Variants in TTLL7 observed in about 807,000 individuals in gnomAD.
The protein encoded by TTLL7 is tubulin polyglutamylase TTLL7.
Under a neutral mutation model 120.2 loss-of-function variants are expected in TTLL7, and 53 were observed. The ratio of observed to expected loss-of-function variants is 0.44; its 90% confidence interval spans 0.35 to 0.55. The LOEUF (loss-of-function observed/expected upper bound fraction) is 0.55, where lower values mean the gene tolerates loss of function less well. TTLL7 is among the 20% of genes least tolerant of loss of function. The pLI is 0.00. For missense variants in TTLL7, 803 were observed against 1,054.7 expected (o/e 0.76, Z 3.31); for synonymous variants, 353 against 351.7 (o/e 1.00, Z -0.04).
chr1:83,870,187 C>G, intron 20 of TTLL7, 105 bp from the exon 21 acceptor site: 5 of 1,100,776 alleles, frequency 4.5e-6, no homozygotes, highest in Non-Finnish European at 3.7e-6. Context: ...AGAAATGTTA[C>G]TGTAACAAAA....
intron 14 of TTLL7, among the ~76,000 whole-genome samples, chr1:83,912,664 G>A (rs1657779960): frequency 6.6e-6 from 1 of 152,120 alleles, no homozygotes; most frequent in Admixed American, 6.6e-5. Context: ...GGAATACAGA[G>A]TGAGCCAAAA....
intron 1 of TTLL7, among the ~76,000 whole-genome samples, chr1:83,987,247 A>G (rs992535350): frequency 2.9e-5 from 4 of 136,034 alleles, no homozygotes; most frequent in South Asian, 2.2e-4. Context: ...GTTTACATGG[A>G]AAAAAAAAAG....
At chr1:83,930,992 G>A (rs897569178) in intron 9 of TTLL7, among the ~76,000 whole-genome samples, 2 of 150,480 alleles carry the variant, frequency 1.3e-5, no homozygotes, top group African/African-American at 2.4e-5. Flanking sequence ...TTTCATTCAG[G>A]GTTGTTCTTG....
At chr1:83,968,934 A>AAAAC (rs1344811071) in intron 1 of TTLL7, among the ~76,000 whole-genome samples, 1 of 152,066 alleles carries the variant, frequency 6.6e-6, no homozygotes, top group Non-Finnish European at 1.5e-5. Flanking sequence ...AACTATACAC[A>AAAAC]AAACTGTAAT....
chr1:83,935,671 T>C (rs998913738), intron 8 of TTLL7, among the ~76,000 whole-genome samples: 1 of 152,108 alleles, frequency 6.6e-6, no homozygotes, highest in African/African-American at 2.4e-5. Context: ...TTTTCATATA[T>C]TGATAGTTAC....
At chr1:83,913,266 T>C (rs1313090883) in intron 14 of TTLL7, among the ~76,000 whole-genome samples, 6 of 152,182 alleles carry the variant, frequency 3.9e-5, no homozygotes, top group African/African-American at 1.4e-4. Context: ...AAGTAGGCTA[T>C]ATATAAAAAA....
At chr1:83,977,520 C>A (rs1312409754) in intron 1 of TTLL7, among the ~76,000 whole-genome samples, 1 of 151,990 alleles carries the variant, frequency 6.6e-6, no homozygotes, top group Non-Finnish European at 1.5e-5. Context: ...CTTTATGCAG[C>A]CTGACTTAAC....
intron 1 of TTLL7, among the ~76,000 whole-genome samples, chr1:83,956,832 G>A (rs1479602357): frequency 1.3e-5 from 2 of 152,186 alleles, no homozygotes; most frequent in Non-Finnish European, 2.9e-5. Context: ...CATATCCACT[G>A]AGCAGTTGTG....
intron 9 of TTLL7, among the ~76,000 whole-genome samples, chr1:83,930,538 A>T (rs1244417207): frequency 6.6e-6 from 1 of 152,204 alleles, no homozygotes; most frequent in African/African-American, 2.4e-5. Flanking sequence ...GAAAGCTCTA[A>T]GCATTTCCCT....
In TTLL7 at chr1:83,911,417, G is replaced by C. The variant is rs1571157189; in HGVS notation, c.1588-54C>G. On this transcript the variant is annotated intron_variant, in intron 14 of 20. Coordinates refer to ENST00000260505, the MANE Select transcript of TTLL7 (RefSeq NM_024686.6). Reference sequence around the variant, plus strand: ...TTAGAATTCTTAAAAAAGGTTTATTGATATGATTAGTTACTATTTTTAATT... The same window carrying C: ...TTAGAATTCTTAAAAAAGGTTTATTCATATGATTAGTTACTATTTTTAATT... 8 of 1,390,060 alleles carry C rather than the reference G, an allele frequency of 5.8e-6. No individual in the cohort carries two copies. The East Asian group carries it at 1.9e-4, about 33-fold the overall frequency. The allele number at this position is 1,390,060 out of a possible 1,614,324, so 86.1% of individuals were successfully genotyped here. A position where few individuals can be genotyped will look rare whatever the true frequency, so the allele number is the denominator to read the frequency against.
chr1:83,875,663 C>T (rs193286132), intron 20 of TTLL7, among the ~76,000 whole-genome samples: 6 of 151,958 alleles, frequency 3.9e-5, no homozygotes, highest in Admixed American at 3.3e-4. Flanking sequence ...CTCATCAACA[C>T]TTGTGATGGA....
At chr1:83,892,317 T>TGAACATATATAC (rs1655589239) in intron 18 of TTLL7, among the ~76,000 whole-genome samples, 1 of 44,390 alleles carries the variant, frequency 2.3e-5, no homozygotes, top group African/African-American at 6.6e-5. Flanking sequence ...CGAATATATA[T>TGAACATATATAC]GAATATATAT....
Position 83,947,185 on chromosome 1 carries a change from T to G in TTLL7, c.445A>C (p.Lys149Gln), listed in dbSNP as rs1476518242. ...AAAGTTTTCTGCTTCCGTTTTTTCT[T>G]CAATTCTTTCACATAATTTTGGAAT... ...TQFQNYVKEL[K>Q]KKRKQKTFIV... The change falls in exon 6 of 21, where the codon AAG becomes CAG. Residue 149 changes from lysine (K) to glutamine (Q), a missense_variant. Physicochemically the swap from Lys to Gln is moderately conservative, Grantham distance 53. Transcript: ENST00000260505. 6.2e-7 allele frequency: 1 copy of G among 1,613,528 alleles called. No homozygotes were observed. Among genetic ancestry groups the G allele is most frequent in the South Asian group, 1.1e-5 (1 of 90,970 alleles).
At chr1:83,881,027 TG>T (rs1256381971) in intron 20 of TTLL7, among the ~76,000 whole-genome samples, 1 of 151,976 alleles carries the variant, frequency 6.6e-6, no homozygotes, top group Non-Finnish European at 1.5e-5. Flanking sequence ...CTGGGAAAAC[TG>T]GCTAGCCATA....
chr1:83,958,379 G>C (rs1346252489), intron 1 of TTLL7, among the ~76,000 whole-genome samples: 2 of 152,012 alleles, frequency 1.3e-5, no homozygotes, highest in Non-Finnish European at 2.9e-5. Context: ...AAAAAAAAGA[G>C]AAAAATAACA....
intron 1 of TTLL7, among the ~76,000 whole-genome samples, chr1:83,966,855 A>C (rs1650504809): frequency 6.6e-6 from 1 of 152,060 alleles, no homozygotes; most frequent in African/African-American, 2.4e-5. Flanking sequence ...TGAAAGAAAA[A>C]CCCAGAAAAT....
Position 83,937,914 on chromosome 1 carries a change from ATTTGATGGAACG to A in TTLL7, c.814_825del (p.Arg272_Lys275del), listed in dbSNP as rs757401203. 6.2e-7 allele frequency: 1 copy of A among 1,614,078 alleles called. No individual in the cohort carries two copies. Among genetic ancestry groups the A allele is most frequent in the Non-Finnish European group, 8.5e-7 (1 of 1,179,990 alleles). On this transcript the variant is annotated inframe_deletion, in exon 8 of 21. Transcript: ENST00000260505. ...TTTGCTTGAAGGAATTCTGTAAACC[ATTTGATGGAACG>A]TTTGCTGCCTTTGTTCTCAGTTTCA... is the stretch of plus-strand genomic sequence containing the variant.
At chr1:83,905,233 A>T (rs1657082747) in intron 17 of TTLL7, among the ~76,000 whole-genome samples, 1 of 151,950 alleles carries the variant, frequency 6.6e-6, no homozygotes, top group African/African-American at 2.4e-5. Context: ...ACTAAGTAGC[A>T]CCTAGCTTGC....
intron 19 of TTLL7, among the ~76,000 whole-genome samples, chr1:83,887,866 T>G (rs1264490410): frequency 6.6e-6 from 1 of 152,074 alleles, no homozygotes; most frequent in Non-Finnish European, 1.5e-5. Context: ...CTCAAAATAC[T>G]TTTTGTGGAG....
Sources: gnomAD v4.1 joint callset for allele counts (sites outside exome capture counted in the v4.1 genomes callset) on GRCh38, gnomAD v4.1.1 for gene constraint, MANE v1.5 for transcripts, NCBI Gene and HGNC (gene_info 2026-07-23, HGNC 2026-07-21) for gene names.